PTPRD: variants seen among roughly 807,000 people sequenced by gnomAD.
The protein encoded by PTPRD is receptor-type tyrosine-protein phosphatase delta.
A neutral mutation model predicts 214.5 loss-of-function variants in PTPRD; 34 were observed. The ratio of observed to expected loss-of-function variants is 0.16; its 90% CI spans 0.12 to 0.21. The LOEUF (loss-of-function observed/expected upper bound fraction) is 0.21, where lower values mean the gene tolerates loss of function less well. Ranked by LOEUF, PTPRD falls within the 10% of genes least tolerant of loss-of-function variation. The pLI, the probability that PTPRD is intolerant of heterozygous loss-of-function variation, is 1.00. For missense variants in PTPRD, 2,545 were observed against 2,398.7 expected (o/e 1.06, Z -1.27); for synonymous variants, 1,128 against 845.7 (o/e 1.33, Z -5.79).
At chr9:10,248,533 A>AAACAAAAAAAAAAC (rs60272481) in intron 3 of PTPRD, among the ~76,000 whole-genome samples, 1 of 127,444 alleles carries the variant, frequency 7.8e-6, no homozygotes, top group Non-Finnish European at 1.6e-5. Context: ...AAAATAAAAA[A>AAACAAAAAAAAAAC]AATAAAGCGA....
At chr9:10,385,086 C>T (rs1333243604) in intron 2 of PTPRD, among the ~76,000 whole-genome samples, 2 of 151,790 alleles carry the variant, frequency 1.3e-5, no homozygotes, top group Non-Finnish European at 2.9e-5. Context: ...GATTAGTCCC[C>T]TCTCACATTT....
rs149366846 is a variant in PTPRD, at chr9:9,334,431, T to C, written c.-203+63018A>G. On this transcript the variant is annotated intron_variant, in intron 9 of 45. Coordinates refer to ENST00000381196, the MANE Select transcript of PTPRD (RefSeq NM_002839.4). ...GTGAAATAGTCTGTTAATCACCTAG[T>C]TGATTTATCTAGTGGGGATTTCATA... Among the ~76,000 whole-genome samples, 1,258 of 152,138 alleles carry C rather than the reference T, an allele frequency of 8.3e-3. 58 individuals carry two copies. The highest frequency in any genetic ancestry group is 0.062 in the Admixed American group (939 of 15,240).
At chr9:8,979,188 A>C (rs1020412911) in intron 11 of PTPRD, among the ~76,000 whole-genome samples, 5 of 152,210 alleles carry the variant, frequency 3.3e-5, no homozygotes. Flanking sequence ...AGATAATTTT[A>C]GATAATTCTT....
intron 11 of PTPRD, among the ~76,000 whole-genome samples, chr9:9,003,384 C>A (rs2099431871): frequency 6.6e-6 from 1 of 152,022 alleles, no homozygotes; most frequent in Non-Finnish European, 1.5e-5. Flanking sequence ...CCCAAAGCCT[C>A]CCTCTGCTGG....
chr9:9,671,863 T>C (rs562115744), intron 7 of PTPRD, among the ~76,000 whole-genome samples: 2 of 152,180 alleles, frequency 1.3e-5, no homozygotes, highest in Non-Finnish European at 2.9e-5. Flanking sequence ...ATCAGCAGCA[T>C]GAAAATGGAC....
intron 9 of PTPRD, among the ~76,000 whole-genome samples, chr9:9,285,049 T>G (rs1195931289): frequency 6.6e-6 from 1 of 151,740 alleles, no homozygotes; most frequent in Non-Finnish European, 1.5e-5. Flanking sequence ...GGCCTAAAAA[T>G]AACATTCCAT....
intron 12 of PTPRD, among the ~76,000 whole-genome samples, chr9:8,663,769 G>T (rs577700335): frequency 5.3e-5 from 8 of 152,122 alleles, no homozygotes; most frequent in African/African-American, 1.9e-4. Context: ...GGGATTACAG[G>T]TGTGAGCCAC....
At chr9:10,570,538 T>A (rs2067099924) in intron 2 of PTPRD, among the ~76,000 whole-genome samples, 1 of 151,982 alleles carries the variant, frequency 6.6e-6, no homozygotes, top group Admixed American at 6.6e-5. Flanking sequence ...TCTGAAGAAC[T>A]TAGATCAGGT....
At chr9:9,057,547 A>G (rs2099698624) in intron 10 of PTPRD, among the ~76,000 whole-genome samples, 1 of 152,198 alleles carries the variant, frequency 6.6e-6, no homozygotes. Context: ...ACATTTCCTA[A>G]GGATTTTTTG....
Position 9,980,608 on chromosome 9 carries a change from C to CAAA in PTPRD, c.-471-42001_-471-41999dup, listed in dbSNP as rs750547585. Among the ~76,000 whole-genome samples the CAAA allele has an allele frequency of 6.8e-3, 77 of 11,304 alleles. 22 individuals carry two copies. Among genetic ancestry groups the CAAA allele is most frequent in the African/African-American group, 0.015 (42 of 2,770 alleles). 7.4% of individuals were successfully genotyped at this position (11,304 alleles called of 152,430 possible). A position where few individuals can be genotyped will look rare whatever the true frequency, so the allele number is the denominator to read the frequency against. ...TGGGTAACAGAGTGAGACACCTTGTCAAAAAAAAACAAAAAAAAAAAAAAA... is the reference window on the plus strand; with the variant it reads ...TGGGTAACAGAGTGAGACACCTTGTCAAAAAAAAAAAACAAAAAAAAAAAAAAA... On this transcript the variant is annotated intron_variant, in intron 4 of 45. Transcript: ENST00000381196.
chr9:8,490,897 G>A (rs866732805), intron 27 of PTPRD, among the ~76,000 whole-genome samples: 1 of 152,116 alleles, frequency 6.6e-6, no homozygotes, highest in Non-Finnish European at 1.5e-5. Flanking sequence ...TGTGGGAGCT[G>A]TAACTAAATA....
At chr9:10,350,376 T>C (rs2154456839) in intron 2 of PTPRD, among the ~76,000 whole-genome samples, 1 of 152,268 alleles carries the variant, frequency 6.6e-6, no homozygotes, top group African/African-American at 2.4e-5. Flanking sequence ...TTACATGATA[T>C]TTATTTGATA....
In PTPRD at chr9:9,429,194, A is replaced by AC. The variant is rs1490645444; in HGVS notation, c.-236-31713_-236-31712insG. ...AAGAAAAGAGAGAAGAATCAAATAG[A>AC]ACAATAAAAAATGACAAAGGGGATA... On this transcript the variant is annotated intron_variant, in intron 8 of 45. Transcript: ENST00000381196. 1.1e-3 allele frequency among the ~76,000 whole-genome samples: 160 copies of AC among 152,152 alleles called. 1 individual carries two copies. Among genetic ancestry groups the AC allele is most frequent in the African/African-American group, 3.7e-3 (153 of 41,550 alleles).
rs911637936 is a variant in PTPRD at position 9,088,315 on chromosome 9, C to T, written c.-142-69580G>A. ...AATAAAATGAAATCTGGGCCGGGTGCGGTGGCTCACGCCTGTGGTCCCAGC... is the reference window on the plus strand; with the variant it reads ...AATAAAATGAAATCTGGGCCGGGTGTGGTGGCTCACGCCTGTGGTCCCAGC... On this transcript the variant is annotated intron_variant, in intron 10 of 45. Coordinates refer to ENST00000381196, the MANE Select transcript of PTPRD (RefSeq NM_002839.4). Among the ~76,000 whole-genome samples, 8 of 150,122 alleles carry T rather than the reference C, an allele frequency of 5.3e-5. No homozygotes were observed. The East Asian group carries it at 6.2e-4, about 12-fold the overall frequency.
Position 9,796,702 on chromosome 9 carries a change from G to T in PTPRD, c.-367-29851C>A, listed in dbSNP as rs377577528. Among the ~76,000 whole-genome samples, 3 of 152,256 alleles carry T rather than the reference G, an allele frequency of 2.0e-5. No individual in the cohort carries two copies. The East Asian group carries it at 5.8e-4, about 29-fold the overall frequency. On this transcript the variant is annotated intron_variant, in intron 5 of 45. Coordinates refer to ENST00000381196, the MANE Select transcript of PTPRD (RefSeq NM_002839.4). Reference sequence around the variant, plus strand: ...ACTAGTAGAAAGCTGAATTTGGAAGGTAAAGTCGGAAAGGACTTCATGAAA... The same window carrying T: ...ACTAGTAGAAAGCTGAATTTGGAAGTTAAAGTCGGAAAGGACTTCATGAAA...
intron 9 of PTPRD, among the ~76,000 whole-genome samples, chr9:9,358,905 C>T (rs563712155): frequency 2.6e-4 from 40 of 151,418 alleles, no homozygotes; most frequent in Admixed American, 1.4e-3. Flanking sequence ...TTGCATCCAA[C>T]CTTACTGTTG....
chr9:9,389,050 T>C (rs1206320247), intron 9 of PTPRD, among the ~76,000 whole-genome samples: 4 of 152,186 alleles, frequency 2.6e-5, no homozygotes, highest in African/African-American at 9.7e-5. Context: ...TAACTAAACT[T>C]TTTCTGTGCC....
intron 3 of PTPRD, among the ~76,000 whole-genome samples, chr9:10,105,667 G>T (rs770127128): frequency 1.2e-4 from 18 of 151,712 alleles, no homozygotes; most frequent in Non-Finnish European, 7.4e-5. Flanking sequence ...AAAAATCCAG[G>T]TTTTTAATAC....
chr9:8,505,502 G>GTCCC (rs1004792860), intron 22 of PTPRD, among the ~76,000 whole-genome samples: 1 of 151,300 alleles, frequency 6.6e-6, no homozygotes, highest in Admixed American at 6.6e-5. Flanking sequence ...GGCGCCTGTG[G>GTCCC]TCCCAGCTAC....
Sources: gnomAD v4.1 joint callset for allele counts (sites outside exome capture counted in the v4.1 genomes callset) on GRCh38, gnomAD v4.1.1 for gene constraint, MANE v1.5 for transcripts, NCBI Gene and HGNC (gene_info 2026-07-23, HGNC 2026-07-21) for gene names.